COLGALT1: variants seen among roughly 807,000 people sequenced by gnomAD.
COLGALT1 encodes the protein collagen beta(1-O)galactosyltransferase 1.
Under a neutral mutation model 60.8 loss-of-function variants are expected in COLGALT1, and 43 were observed. That is an observed-to-expected ratio of 0.71 (90% CI 0.55 to 0.91). COLGALT1 has a LOEUF of 0.91. COLGALT1 is among the 40% of genes least tolerant of loss of function. The pLI is 0.00. For synonymous variants in COLGALT1, 369 were observed against 374.2 expected (o/e 0.99, Z 0.16); for missense variants, 845 against 880.0 (o/e 0.96, Z 0.50).
In COLGALT1 at chr19:17,555,993, C is replaced by A; in HGVS notation, c.260+20C>A. Reference sequence around the variant, plus strand: ...GCTATGGTGAGTCGAGCCCGCTGTCCCCATCAGGCGGGTCACGCGAGCCCC... The same window carrying A: ...GCTATGGTGAGTCGAGCCCGCTGTCACCATCAGGCGGGTCACGCGAGCCCC... On this transcript the variant is annotated intron_variant, in intron 1 of 11. Coordinates refer to ENST00000252599, the MANE Select transcript of COLGALT1 (RefSeq NM_024656.4). The A allele has an allele frequency of 7.6e-7, 1 of 1,308,038 alleles. No homozygotes were observed. The highest frequency in any genetic ancestry group is 9.7e-7 in the Non-Finnish European group (1 of 1,025,814). 81.0% of individuals were successfully genotyped at this position (1,308,038 alleles called of 1,614,324 possible).
rs774477102 is a variant in COLGALT1, at chr19:17,579,555, G to C, written c.1340G>C (p.Arg447Pro). 1 of 1,613,304 alleles carries C rather than the reference G, an allele frequency of 6.2e-7. No homozygotes were observed. Among genetic ancestry groups the C allele is most frequent in the Admixed American group, 1.7e-5 (1 of 59,894 alleles). The stretch of plus-strand genomic sequence containing the variant: ...CGTTTTGAGATCTTCTTCAAGAGAC[G>C]TCTGATGAACCTCATGCGGGATGTG... The part of the protein sequence containing the change: ...DLRFEIFFKR[R>P]LMNLMRDVER... The change falls in exon 10 of 12, where the codon CGT (arginine) becomes CCT (proline). Residue 447 changes from arginine to proline, a missense_variant. Transcript: ENST00000252599.
At chr19:17,560,298 G>A (rs754721492) in intron 2 of COLGALT1, 50 bp from the exon 3 acceptor site, 12 of 1,514,532 alleles carry the variant, frequency 7.9e-6, no homozygotes, top group Middle Eastern at 4.1e-4. Context: ...GGCCCTCGCT[G>A]GGCTTTGATA....
intron 3 of COLGALT1, among the ~76,000 whole-genome samples, chr19:17,565,483 G>A (rs2076275014): frequency 6.6e-6 from 1 of 152,004 alleles, no homozygotes; most frequent in Non-Finnish European, 1.5e-5. Context: ...TTGGGATTCT[G>A]ACATGAACAT....
In COLGALT1 at chr19:17,581,449, T is replaced by C; in HGVS notation, c.*5T>C. On this transcript the variant is annotated 3_prime_UTR_variant, in exon 12 of 12. Transcript: ENST00000252599. The stretch of plus-strand genomic sequence containing the variant: ...GCTGCCCGGGATGAACTCTGAGGGG[T>C]AGCAGCCAGAAAGCCAAAGCAGCCA... The C allele has an allele frequency of 1.2e-6, 2 of 1,602,458 alleles. No individual in the cohort carries two copies. The highest frequency in any genetic ancestry group is 1.7e-6 in the Non-Finnish European group (2 of 1,176,948).
chr19:17,570,896 G>T (rs73524005), intron 5 of COLGALT1, among the ~76,000 whole-genome samples: 3,870 of 152,128 alleles, frequency 0.025, 162 homozygotes, highest in African/African-American at 0.089. Flanking sequence ...CTGGGGAAAA[G>T]AATCAAAAGA....
chr19:17,574,669 G>T (rs1429194916), intron 6 of COLGALT1, among the ~76,000 whole-genome samples: 1 of 152,074 alleles, frequency 6.6e-6, no homozygotes, highest in Non-Finnish European at 1.5e-5. Flanking sequence ...GACACCTGGA[G>T]ACTGCACAAT....
chr19:17,561,362 T>C (rs2076247978), intron 3 of COLGALT1, among the ~76,000 whole-genome samples: 1 of 151,844 alleles, frequency 6.6e-6, no homozygotes, highest in African/African-American at 2.4e-5. Flanking sequence ...ATTACAGGCA[T>C]GGGCCACCGT....
At chr19:17,577,005 T>TGGGGCCTGGGGTGTGGCCA in intron 6 of COLGALT1, 190 bp from the exon 7 acceptor site, 1 of 323,142 alleles carries the variant, frequency 3.1e-6, no homozygotes, top group Non-Finnish European at 5.7e-6. Context: ...GCCAGGGCTT[T>TGGGGCCTGGGGTGTGGCCA]GGGCTGCTGT....
At position 17,581,515 on chromosome 19, in the gene COLGALT1, T is replaced by G. The variant is rs8100092; in HGVS notation, c.*71T>G. Reference sequence around the variant, plus strand: ...CCACGTGCTTACTGAGGACATCAGGTCCACCTCTGGACCCCTTGGCAGGCC... The same window carrying G: ...CCACGTGCTTACTGAGGACATCAGGGCCACCTCTGGACCCCTTGGCAGGCC... On this transcript the variant is annotated 3_prime_UTR_variant, in exon 12 of 12. Coordinates refer to ENST00000252599, the MANE Select transcript of COLGALT1 (RefSeq NM_024656.4). The G allele has an allele frequency of 0.87, 1,328,256 of 1,531,462 alleles. 579,627 individuals carry two copies. The highest frequency in any genetic ancestry group is 0.96 in the African/African-American group (70,839 of 73,466). The allele number at this position is 1,531,462 out of a possible 1,614,324, so 94.9% of individuals were successfully genotyped here.
intron 6 of COLGALT1, among the ~76,000 whole-genome samples, chr19:17,576,221 G>A (rs901584105): frequency 1.3e-5 from 2 of 152,162 alleles, no homozygotes; most frequent in African/African-American, 4.8e-5. Context: ...GGGCCAGGGG[G>A]TTAGGGCAGC....
chr19:17,579,387 AC>A, intron 9 of COLGALT1, 94 bp from the exon 10 acceptor site: 1 of 1,548,628 alleles, frequency 6.5e-7, no homozygotes. Context: ...TGGCTTCTCT[AC>A]GGGTCTTTCA....
chr19:17,567,369 G>T, intron 3 of COLGALT1, 37 bp from the exon 4 acceptor site: 1 of 1,610,576 alleles, frequency 6.2e-7, no homozygotes. Flanking sequence ...AGCCTGACCT[G>T]GCAGCCCATG....
chr19:17,578,157 A>G, intron 9 of COLGALT1, 68 bp downstream of exon 9: 2 of 1,443,544 alleles, frequency 1.4e-6, no homozygotes, highest in Non-Finnish European at 1.8e-6. Flanking sequence ...TGGACGGGAA[A>G]GGGGTTGAAA....
chr19:17,567,949 A>AAAAAC (rs901619364), intron 4 of COLGALT1, among the ~76,000 whole-genome samples: 4 of 152,226 alleles, frequency 2.6e-5, no homozygotes, highest in East Asian at 1.9e-4. Flanking sequence ...ACTTGGTCTC[A>AAAAAC]AAAACAAAAC....
chr19:17,580,327 G>A (rs972867197), intron 10 of COLGALT1: 7 of 326,332 alleles, frequency 2.1e-5, no homozygotes, highest in Non-Finnish European at 3.5e-5. Context: ...TGGGAACACT[G>A]CCCCATGTGA....
At chr19:17,564,131 C>T (rs1367747054) in intron 3 of COLGALT1, among the ~76,000 whole-genome samples, 1 of 151,502 alleles carries the variant, frequency 6.6e-6, no homozygotes, top group Non-Finnish European at 1.5e-5. Flanking sequence ...GTCTGTAGTC[C>T]CAGCTAATTG....
chr19:17,564,935 G>C (rs2076271950), intron 3 of COLGALT1, among the ~76,000 whole-genome samples: 2 of 152,048 alleles, frequency 1.3e-5, no homozygotes, highest in African/African-American at 4.8e-5. Flanking sequence ...CCACTAATCT[G>C]CTTCCTGTCT....
rs2076380723 is a variant in COLGALT1, at chr19:17,581,315, G to T, written c.1740G>T (p.Glu580Asp). The T allele has an allele frequency of 6.2e-7, 1 of 1,613,456 alleles. No homozygotes were observed. The highest frequency in any genetic ancestry group is 1.3e-5 in the African/African-American group (1 of 74,988). ...AGACCTCAGTCGTATGGAACAATGA[G>T]CACGTCAAGACCGACTGGGACCGCG... ...DTETSVVWNNEHVKTDWDRAK... is the reference protein window; with the variant it reads ...DTETSVVWNNDHVKTDWDRAK... The change falls in exon 12 of 12, where the codon GAG becomes GAT. Residue 580 changes from glutamate to aspartate, a missense_variant. Physicochemically the swap from Glu to Asp is conservative, Grantham distance 45. Transcript: ENST00000252599.
At position 17,560,370 on chromosome 19, in the gene COLGALT1, C is replaced by G. The variant is rs765978092; in HGVS notation, c.394C>G (p.Pro132Ala). 1 of 1,613,944 alleles carries G rather than the reference C, an allele frequency of 6.2e-7. No individual in the cohort carries two copies. Among genetic ancestry groups the G allele is most frequent in the African/African-American group, 1.3e-5 (1 of 74,906 alleles). Residue 132 changes from proline (P) to alanine (A), a missense_variant, in exon 3 of 12, where the codon CCG (proline) becomes GCG (alanine). Physicochemically the swap from Pro to Ala is conservative, Grantham distance 27. Coordinates refer to ENST00000252599, the MANE Select transcript of COLGALT1 (RefSeq NM_024656.4). Reference sequence around the variant, plus strand: ...TAGGTCCTACCCGGACGAGGAAGGCCCGAAACACTGGTCTGACTCACGCTA... The same window carrying G: ...TAGGTCCTACCCGGACGAGGAAGGCGCGAAACACTGGTCTGACTCACGCTA... ...EPRSYPDEEG[P>A]KHWSDSRYEH...
Sources: allele counts gnomAD v4.1 joint callset (sites outside exome capture counted in the v4.1 genomes callset), GRCh38; gene constraint gnomAD v4.1.1; transcripts MANE v1.5; gene names NCBI Gene and HGNC (gene_info 2026-07-23, HGNC 2026-07-21).